NAALADL2: variants seen among roughly 807,000 people sequenced by gnomAD.
The protein encoded by NAALADL2 is inactive N-acetylated-alpha-linked acidic dipeptidase-like protein 2.
NAALADL2 carries 76 observed loss-of-function variants against 87.2 expected under a neutral mutation model. That is an observed-to-expected ratio of 0.87 (90% CI 0.72 to 1.05). The LOEUF (loss-of-function observed/expected upper bound fraction) is 1.05. NAALADL2 is among the 50% of genes least tolerant of loss of function. The probability of loss-of-function intolerance (pLI) is 0.00; values close to 1 mark genes in which losing one functional copy is unlikely to be tolerated. For synonymous variants in NAALADL2, 354 were observed against 331.0 expected, an observed-to-expected ratio of 1.07 and a Z score of -0.75; for missense variants, 1,089 against 945.8, an observed-to-expected ratio of 1.15 and a Z score of -1.99.
upstream of NAALADL2, among the ~76,000 whole-genome samples, chr3:174,858,780 G>A (rs139875716): frequency 4.0e-5 from 6 of 151,450 alleles, no homozygotes; most frequent in African/African-American, 4.9e-5. Flanking sequence ...TTCAATCTTC[G>A]TACTAATCAT....
At chr3:175,379,897 T>A (rs571005945) in intron 5 of NAALADL2, among the ~76,000 whole-genome samples, 1 of 152,306 alleles carries the variant, frequency 6.6e-6, no homozygotes, top group South Asian at 2.1e-4. Context: ...GTATGTTTAC[T>A]CAGAGAAGCA....
chr3:174,618,462 A>G (rs1313946216), intron 2 of NAALADL2, among the ~76,000 whole-genome samples: 4 of 151,620 alleles, frequency 2.6e-5, no homozygotes, highest in Non-Finnish European at 5.9e-5. Flanking sequence ...CATAGGTAAG[A>G]TTTTGTTTAC....
chr3:175,211,781 A>T (rs1741809415), intron 2 of NAALADL2, among the ~76,000 whole-genome samples: 1 of 152,028 alleles, frequency 6.6e-6, no homozygotes, highest in Non-Finnish European at 1.5e-5. Flanking sequence ...ATATTTCTTA[A>T]TGGAAATAGT....
chr3:175,570,998 G>T lies in NAALADL2; in HGVS notation c.1654-5043G>T, dbSNP rs182621535. ...TAAATAATCAACTTAAATTTCCTGT[G>T]CATGTAGAGTAAATGCTTATGTATG... On this transcript the variant is annotated intron_variant, in intron 9 of 13. Transcript: ENST00000454872. Among the ~76,000 whole-genome samples the T allele has an allele frequency of 2.5e-3, 374 of 151,988 alleles. 3 individuals are homozygous for T. The highest frequency in any genetic ancestry group is 8.8e-3 in the African/African-American group (366 of 41,422).
chr3:175,720,422 T>C (rs1239837629), intron 11 of NAALADL2, among the ~76,000 whole-genome samples: 3 of 151,576 alleles, frequency 2.0e-5, no homozygotes, highest in Admixed American at 6.6e-5. Flanking sequence ...AAGTGAAAAA[T>C]AAATGTAAAG....
At chr3:174,486,398 C>T (rs778471811) in intron 1 of NAALADL2, among the ~76,000 whole-genome samples, 25 of 152,076 alleles carry the variant, frequency 1.6e-4, no homozygotes, top group Non-Finnish European at 3.5e-4. Context: ...TGGGGCCCCT[C>T]GATGGCTGGG....
rs530472362 is a variant in NAALADL2, at chr3:175,347,790, A to G, written c.1090+23465A>G. 5.9e-5 allele frequency among the ~76,000 whole-genome samples: 9 copies of G among 152,124 alleles called. No homozygotes were observed. The South Asian group carries it at 1.9e-3, about 32-fold the overall frequency. ...TGGGGTACATGTGCAGACCTTGCAG[A>G]TTTGTTACACAGGTATACACGTGCC... On this transcript the variant is annotated intron_variant, in intron 5 of 13. Coordinates refer to ENST00000454872, the MANE Select transcript of NAALADL2 (RefSeq NM_207015.3).
At chr3:175,284,509 C>A (rs1754743236) in intron 4 of NAALADL2, among the ~76,000 whole-genome samples, 1 of 150,394 alleles carries the variant, frequency 6.6e-6, no homozygotes, top group African/African-American at 2.5e-5. Context: ...TGTATGGAGG[C>A]CTGATTTAAA....
In NAALADL2 at chr3:175,804,536, T is replaced by TA. The variant is rs946677958; in HGVS notation, c.*1333_*1334insA. 57 of 151,976 alleles carry TA rather than the reference T, an allele frequency of 3.8e-4. 1 individual carries two copies. The highest frequency in any genetic ancestry group is 1.2e-3 in the African/African-American group (50 of 41,524). 9.4% of individuals were successfully genotyped at this position (151,976 alleles called of 1,614,324 possible). ...TTAGAAATTTATGTGAAAAATGGTT[T>TA]TCCTATACTGGATAAAGCAATTCCC... On this transcript the variant is annotated 3_prime_UTR_variant, in exon 14 of 14. Coordinates refer to ENST00000454872, the MANE Select transcript of NAALADL2 (RefSeq NM_207015.3).
chr3:175,628,346 T>C (rs901331531), intron 11 of NAALADL2, among the ~76,000 whole-genome samples: 3 of 151,654 alleles, frequency 2.0e-5, no homozygotes, highest in African/African-American at 7.2e-5. Context: ...ATTAAATTCA[T>C]TTTCAACAGG....
chr3:174,956,387 TTATC>T (rs1741158040), intron 1 of NAALADL2, among the ~76,000 whole-genome samples: 1 of 152,110 alleles, frequency 6.6e-6, no homozygotes, highest in African/African-American at 2.4e-5. Context: ...AAACAAATAT[TTATC>T]TATGAGAGGC....
intron 1 of NAALADL2, among the ~76,000 whole-genome samples, chr3:175,038,831 G>A (rs979348596): frequency 3.2e-4 from 48 of 151,566 alleles, no homozygotes; most frequent in African/African-American, 7.5e-4. Context: ...ATAATTTATC[G>A]TGCAAACGTA....
intron 3 of NAALADL2, among the ~76,000 whole-genome samples, chr3:175,240,612 T>C (rs940690307): frequency 1.3e-5 from 2 of 152,218 alleles, no homozygotes; most frequent in Non-Finnish European, 2.9e-5. Flanking sequence ...ATGAAGCTAC[T>C]GTCTCACCAA....
intron 9 of NAALADL2, among the ~76,000 whole-genome samples, chr3:175,561,376 T>G (rs1172831601): frequency 1.3e-5 from 2 of 152,218 alleles, no homozygotes; most frequent in Non-Finnish European, 2.9e-5. Flanking sequence ...TACATGTAAG[T>G]CTGTACATGT....
intron 5 of NAALADL2, among the ~76,000 whole-genome samples, chr3:175,428,234 C>G (rs1379618893): frequency 6.6e-6 from 1 of 152,032 alleles, no homozygotes; most frequent in East Asian, 1.9e-4. Context: ...CAGTAGTGTT[C>G]ACTACTGTAC....
At chr3:175,312,956 G>A (rs1758574646) in intron 4 of NAALADL2, among the ~76,000 whole-genome samples, 1 of 152,124 alleles carries the variant, frequency 6.6e-6, no homozygotes, top group Admixed American at 6.5e-5. Flanking sequence ...TGCTAGGGCT[G>A]CCATAGTAAA....
intron 1 of NAALADL2, among the ~76,000 whole-genome samples, chr3:174,531,338 C>T (rs905276983): frequency 2.4e-4 from 37 of 151,890 alleles, no homozygotes; most frequent in African/African-American, 8.7e-4. Flanking sequence ...TCAAGTAGAG[C>T]ACTCATCGGT....
intron 2 of NAALADL2, among the ~76,000 whole-genome samples, chr3:174,717,996 G>T (rs1578666778): frequency 6.6e-6 from 1 of 152,182 alleles, no homozygotes; most frequent in East Asian, 1.9e-4. Context: ...GGGCGTGTTG[G>T]GAGGCGCCTG....
chr3:175,492,538 A>C (rs961024633), intron 9 of NAALADL2, among the ~76,000 whole-genome samples: 1 of 152,180 alleles, frequency 6.6e-6, no homozygotes. Context: ...TAGTTGTGCC[A>C]ACAACTAGTG....
Sources: allele counts gnomAD v4.1 joint callset (sites outside exome capture counted in the v4.1 genomes callset), GRCh38; gene constraint gnomAD v4.1.1; transcripts MANE v1.5; gene names NCBI Gene and HGNC (gene_info 2026-07-23, HGNC 2026-07-21).